NUTF2: variants seen among roughly 807,000 people sequenced by gnomAD.
NUTF2 encodes the protein nuclear transport factor 2, also known as placental protein 15.
NUTF2 carries 3 observed loss-of-function variants against 18.5 expected under a neutral mutation model. That is an observed-to-expected ratio of 0.16 (90% confidence interval 0.07 to 0.42). NUTF2 has a LOEUF of 0.42. Ranked by LOEUF, NUTF2 falls within the 10% of genes least tolerant of loss-of-function variation. The pLI, the probability that NUTF2 is intolerant of heterozygous loss-of-function variation, is 0.99. For missense variants in NUTF2, 44 were observed against 160.7 expected, an observed-to-expected ratio of 0.27 and a Z score of 3.93; for synonymous variants, 51 against 57.9, an observed-to-expected ratio of 0.88 and a Z score of 0.54.
intron 1 of NUTF2, among the ~76,000 whole-genome samples, chr16:67,849,424 C>G (rs2057835370): frequency 6.6e-6 from 1 of 152,036 alleles, no homozygotes; most frequent in Non-Finnish European, 1.5e-5. Flanking sequence ...TCACTGCAAC[C>G]TCCGCCTCCT....
chr16:67,860,062 C>T (rs568847516), intron 1 of NUTF2, among the ~76,000 whole-genome samples: 1 of 151,874 alleles, frequency 6.6e-6, no homozygotes, highest in South Asian at 2.1e-4. Flanking sequence ...TCACTGCAAG[C>T]TCCGCCTCCT....
chr16:67,860,131 C>T (rs2057925632), intron 1 of NUTF2, among the ~76,000 whole-genome samples: 2 of 152,068 alleles, frequency 1.3e-5, no homozygotes, highest in Non-Finnish European at 2.9e-5. Context: ...AGGTGTCTGC[C>T]ACCACGCCCA....
intron 1 of NUTF2, among the ~76,000 whole-genome samples, chr16:67,852,329 C>A (rs1302349642): frequency 6.6e-6 from 1 of 151,348 alleles, no homozygotes; most frequent in African/African-American, 2.4e-5. Context: ...TTTCCCTTAA[C>A]AAAACACTAT....
At chr16:67,858,152 C>G (rs1294053372) in intron 1 of NUTF2, among the ~76,000 whole-genome samples, 1 of 152,138 alleles carries the variant, frequency 6.6e-6, no homozygotes, top group Non-Finnish European at 1.5e-5. Flanking sequence ...AATGGGTAAT[C>G]AGACAGCTAC....
chr16:67,870,770 C>G (rs781083972), intron 4 of NUTF2, 30 bp from the exon 5 acceptor site: 1 of 1,556,222 alleles, frequency 6.4e-7, no homozygotes, highest in Admixed American at 1.7e-5. Flanking sequence ...TCTTGATCCC[C>G]TTACTGAATC....
intron 1 of NUTF2, chr16:67,856,218 A>G (rs1005510670): frequency 4.0e-6 from 1 of 252,358 alleles, no homozygotes; most frequent in Non-Finnish European, 7.7e-6. Context: ...TTTTTGAGAC[A>G]GTCTCGCTCT....
intron 1 of NUTF2, among the ~76,000 whole-genome samples, chr16:67,848,781 C>G (rs1338626447): frequency 1.3e-5 from 2 of 151,714 alleles, no homozygotes; most frequent in Non-Finnish European, 2.9e-5. Context: ...GCAGCAGCAG[C>G]TCAATCTCTG....
At chr16:67,863,464 C>T (rs918495137) in intron 1 of NUTF2, among the ~76,000 whole-genome samples, 2 of 152,212 alleles carry the variant, frequency 1.3e-5, no homozygotes, top group African/African-American at 4.8e-5. Flanking sequence ...TTTCCCTACA[C>T]GATTCCTCCC....
Position 67,871,056 on chromosome 16 carries a change from G to C in NUTF2, c.*143G>C, listed in dbSNP as rs1196942728. On this transcript the variant is annotated 3_prime_UTR_variant, in exon 5 of 5. Coordinates refer to ENST00000219169, the MANE Select transcript of NUTF2 (RefSeq NM_005796.3). Reference sequence around the variant, plus strand: ...GGCGCAGTGCGCTGCTGCCACTGAGGTGTTGTGCATGATGTTTGGATGCTA... The same window carrying C: ...GGCGCAGTGCGCTGCTGCCACTGAGCTGTTGTGCATGATGTTTGGATGCTA... The C allele has an allele frequency of 4.8e-6, 3 of 623,776 alleles. No individual in the cohort carries two copies. The highest frequency in any genetic ancestry group is 8.7e-6 in the Non-Finnish European group (3 of 346,714). 38.6% of individuals were successfully genotyped at this position (623,776 alleles called of 1,614,324 possible).
chr16:67,864,158 G>A (rs2057952778), intron 1 of NUTF2, among the ~76,000 whole-genome samples: 2 of 152,134 alleles, frequency 1.3e-5, no homozygotes, highest in African/African-American at 4.8e-5. Flanking sequence ...GTAATCACCT[G>A]GCCTCGGGGA....
chr16:67,867,298 C>T (rs927732990), intron 2 of NUTF2, among the ~76,000 whole-genome samples: 1 of 152,102 alleles, frequency 6.6e-6, no homozygotes, highest in African/African-American at 2.4e-5. Context: ...CAGGCCTGAG[C>T]CAGAGAAGAG....
At chr16:67,861,644 C>T (rs1051988246) in intron 1 of NUTF2, among the ~76,000 whole-genome samples, 9 of 152,124 alleles carry the variant, frequency 5.9e-5, no homozygotes, top group Admixed American at 5.9e-4. Flanking sequence ...CCTCAGCCTG[C>T]GGACTGTTGG....
chr16:67,850,353 C>T (rs1442653251), intron 1 of NUTF2, among the ~76,000 whole-genome samples: 7 of 151,484 alleles, frequency 4.6e-5, no homozygotes, highest in Non-Finnish European at 7.4e-5. Context: ...TATAGGCACC[C>T]GCCACCACGC....
chr16:67,854,695 C>A (rs1479308672), intron 1 of NUTF2, among the ~76,000 whole-genome samples: 1 of 152,098 alleles, frequency 6.6e-6, no homozygotes, highest in East Asian at 1.9e-4. Flanking sequence ...ACCTGTAATC[C>A]CAGCACTTTG....
Position 67,847,003 on chromosome 16 carries a change from C to CA in NUTF2, c.-30+19dup, listed in dbSNP as rs999717185. The CA allele has an allele frequency of 3.9e-5, 6 of 151,952 alleles. No individual in the cohort carries two copies. The highest frequency in any genetic ancestry group is 3.3e-4 in the Admixed American group (5 of 15,268). The allele number at this position is 151,952 out of a possible 1,614,324, so 9.4% of individuals were successfully genotyped here. ...CCCCTCGGGTGAGTGTCGGGGCCAG[C>CA]ACGCCGGGGCGGGGGCTGGGCCGCA... On this transcript the variant is annotated intron_variant, in intron 1 of 4. Transcript: ENST00000219169.
At chr16:67,854,934 C>A (rs529508001) in intron 1 of NUTF2, among the ~76,000 whole-genome samples, 1 of 151,698 alleles carries the variant, frequency 6.6e-6, no homozygotes, top group East Asian at 1.9e-4. Flanking sequence ...AAAGGGAGAT[C>A]TCTGTCTTTA....
Position 67,850,849 on chromosome 16 carries a change from G to A in NUTF2, c.-30+3864G>A, listed in dbSNP as rs550805687. Among the ~76,000 whole-genome samples, 3 of 152,040 alleles carry A rather than the reference G, an allele frequency of 2.0e-5. No individual in the cohort carries two copies. In the East Asian group the frequency reaches 5.8e-4, roughly 30 times the overall value. On this transcript the variant is annotated intron_variant, in intron 1 of 4. Coordinates refer to ENST00000219169, the MANE Select transcript of NUTF2 (RefSeq NM_005796.3). ...AGAGCCTCGCTCTGTTGCCCAGGCTGGAGTGCAGTGGTGCAATCTCAGCTC... is the reference window on the plus strand; with the variant it reads ...AGAGCCTCGCTCTGTTGCCCAGGCTAGAGTGCAGTGGTGCAATCTCAGCTC...
At chr16:67,864,519 A>G (rs1019636199) in intron 1 of NUTF2, among the ~76,000 whole-genome samples, 12 of 150,462 alleles carry the variant, frequency 8.0e-5, no homozygotes, top group Non-Finnish European at 8.9e-5. Context: ...CAAAAAAAAA[A>G]AAAAAAAAAA....
chr16:67,852,637 C>A (rs1303545953), intron 1 of NUTF2, among the ~76,000 whole-genome samples: 1 of 152,054 alleles, frequency 6.6e-6, no homozygotes, highest in Non-Finnish European at 1.5e-5. Flanking sequence ...GGATTATAAG[C>A]TTGAGCCACC....
Sources: allele counts gnomAD v4.1 joint callset (sites outside exome capture counted in the v4.1 genomes callset), GRCh38; gene constraint gnomAD v4.1.1; transcripts MANE v1.5; gene names NCBI Gene and HGNC (gene_info 2026-07-23, HGNC 2026-07-21).